The following ZNF69 variants were observed in gnomAD, a reference collection of about 807,000 sequenced individuals.
ZNF69 encodes the protein zinc finger protein 69.
In ZNF69, 47 loss-of-function variants were observed where a neutral mutation model predicts 50.9. That is an observed-to-expected ratio of 0.92 (90% CI 0.73 to 1.18). The LOEUF is 1.18. Among genes scored for constraint, ZNF69 ranks in the 50% most tolerant of loss-of-function variants. The pLI is 0.00. For synonymous variants in ZNF69, 216 were observed against 223.1 expected, an observed-to-expected ratio of 0.97 and a Z score of 0.29; for missense variants, 717 against 675.1, an observed-to-expected ratio of 1.06 and a Z score of -0.69.
chr19:11,944,086 C>G, the ZNF69 span, among the ~76,000 whole-genome samples: 2 of 152,286 alleles, frequency 1.3e-5, no homozygotes, highest in African/African-American at 2.4e-5. Flanking sequence ...TTGATCCACA[C>G]TCTATTACCT....
the ZNF69 span, among the ~76,000 whole-genome samples, chr19:11,923,925 C>T: frequency 3.3e-5 from 5 of 152,070 alleles, no homozygotes; most frequent in East Asian, 1.9e-4. Flanking sequence ...CAGCCCACCC[C>T]CTTCTACAAG....
At chr19:11,946,906 A>G in the ZNF69 span, 1 of 447,102 alleles carries the variant, frequency 2.2e-6, no homozygotes, top group Non-Finnish European at 3.5e-6. Flanking sequence ...AGGCTGAGGC[A>G]GGAGAATCGC....
chr19:11,958,365 G>T, the ZNF69 span, among the ~76,000 whole-genome samples: 3 of 152,098 alleles, frequency 2.0e-5, no homozygotes, highest in African/African-American at 7.2e-5. Context: ...GGGCTGTGTT[G>T]GGTGAGCCAG....
chr19:11,911,935 A>T (rs987060365), intron 4 of ZNF69, among the ~76,000 whole-genome samples: 8 of 151,944 alleles, frequency 5.3e-5, no homozygotes, highest in Non-Finnish European at 8.8e-5. Flanking sequence ...TACACTGGAG[A>T]GAAACCCTAT....
In ZNF69 at chr19:11,904,861, A is replaced by T. The variant is rs200143718; in HGVS notation, c.464A>T (p.Glu155Val). 1 of 1,614,072 alleles carries T rather than the reference A, an allele frequency of 6.2e-7. No homozygotes were observed. The highest frequency in any genetic ancestry group is 8.5e-7 in the Non-Finnish European group (1 of 1,180,046). The stretch of plus-strand genomic sequence containing the variant: ...GGTGACATTGGACACAAGGCCTATG[A>T]GTATCAGGAATATGGACCGAAGCCA... The part of the protein sequence containing the change: ...IRGDIGHKAY[E>V]YQEYGPKPCK... Residue 155 changes from glutamate (E) to valine (V), a missense_variant, in exon 4 of 4, where the codon GAG becomes GTG. Glu to Val is a moderately radical substitution (Grantham distance 121). Transcript: ENST00000429654.
chr19:11,934,244 T>C, the ZNF69 span, among the ~76,000 whole-genome samples: 3 of 148,188 alleles, frequency 2.0e-5, 1 homozygote, highest in African/African-American at 7.9e-5. Context: ...GTAAGGCTGC[T>C]AAAAACGTCT....
rs1174262716 is a variant in ZNF69, at chr19:11,905,846, T to G, written c.1449T>G (p.Cys483Trp). 5 of 1,613,944 alleles carry G rather than the reference T, an allele frequency of 3.1e-6. No individual in the cohort carries two copies. The African/African-American group carries it at 6.7e-5, about 22-fold the overall frequency. ...AAAGACCTTATAAATGTAAGCTATG[T>G]GGGAAAGGCTTTTATTGTCCCAAAT... ...SGERPYKCKL[C>W]GKGFYCPKSL... The change falls in exon 4 of 4, where the codon TGT (cysteine) becomes TGG (tryptophan). Residue 483 changes from cysteine (C) to tryptophan (W), a missense_variant. Physicochemically the swap from Cys to Trp is radical, Grantham distance 215. Coordinates refer to ENST00000429654, the MANE Select transcript of ZNF69 (RefSeq NM_001364730.1).
chr19:11,902,466 G>T (rs1156451911), intron 1 of ZNF69, among the ~76,000 whole-genome samples: 1 of 151,940 alleles, frequency 6.6e-6, no homozygotes, highest in African/African-American at 2.4e-5. Flanking sequence ...AGAGTTTCTT[G>T]TTTGCCCTCT....
the ZNF69 span, among the ~76,000 whole-genome samples, chr19:11,958,603 C>CA: frequency 2.0e-5 from 3 of 152,166 alleles, no homozygotes; most frequent in Non-Finnish European, 4.4e-5. Context: ...GGAGGGGCTA[C>CA]AAGGGTGTTA....
the ZNF69 span, among the ~76,000 whole-genome samples, chr19:11,942,166 T>C: frequency 4.0e-5 from 6 of 150,914 alleles, no homozygotes; most frequent in Non-Finnish European, 8.9e-5. Context: ...ACTTAGGTGT[T>C]TCCCCTCCTC....
chr19:11,915,226 T>G (rs537929816), downstream of ZNF69, among the ~76,000 whole-genome samples: 2 of 152,056 alleles, frequency 1.3e-5, no homozygotes, highest in African/African-American at 4.8e-5. Flanking sequence ...AAGAAAGAGT[T>G]GGATGCACCT....
intron 1 of ZNF69, among the ~76,000 whole-genome samples, chr19:11,902,688 C>T (rs1357321654): frequency 6.6e-6 from 1 of 150,852 alleles, no homozygotes; most frequent in African/African-American, 2.4e-5. Context: ...TTCCCAGGGG[C>T]TCCCCCTCCT....
the ZNF69 span, among the ~76,000 whole-genome samples, chr19:11,944,398 C>G: frequency 1.4e-4 from 21 of 152,126 alleles, no homozygotes; most frequent in Non-Finnish European, 2.8e-4. Flanking sequence ...TTTTGATAGT[C>G]CAATTCATCC....
At chr19:11,890,248 C>G (rs1237664269) in intron 1 of ZNF69, among the ~76,000 whole-genome samples, 1 of 152,210 alleles carries the variant, frequency 6.6e-6, no homozygotes, top group Non-Finnish European at 1.5e-5. Context: ...GGATCTCAGG[C>G]TGTCTCAGTG....
At chr19:11,964,883 T>C in the ZNF69 span, among the ~76,000 whole-genome samples, 1 of 152,244 alleles carries the variant, frequency 6.6e-6, no homozygotes, top group African/African-American at 2.4e-5. Context: ...AAGCTGTGGC[T>C]AGAATCCGTC....
Position 11,904,924 on chromosome 19 carries a change from AC to A in ZNF69, c.531del (p.Ser178ProfsTer35), listed in dbSNP as rs1339001242. 6.2e-7 allele frequency: 1 copy of A among 1,613,942 alleles called. No homozygotes were observed. Among genetic ancestry groups the A allele is most frequent in the Non-Finnish European group, 8.5e-7 (1 of 1,180,034 alleles). ...CAACCTAAAAAAGCCTTCAGATATC[AC>A]CCCTCCTTTAGAACACCACAAAGGG... ...CQQPKKAFRY[H>X]PSFRTPQRDH... On this transcript the variant is annotated frameshift_variant, in exon 4 of 4. Transcript: ENST00000429654. LOFTEE classifies it high-confidence loss of function.
At chr19:11,922,404 G>A in the ZNF69 span, among the ~76,000 whole-genome samples, 2 of 152,164 alleles carry the variant, frequency 1.3e-5, no homozygotes, top group South Asian at 2.1e-4. Flanking sequence ...TGAATCGTCT[G>A]AGCCAGTGCG....
the ZNF69 span, chr19:11,977,142 T>A: frequency 6.2e-7 from 1 of 1,614,142 alleles, no homozygotes; most frequent in Non-Finnish European, 8.5e-7. Flanking sequence ...TGCTGGAAAC[T>A]TTCAGGAACC....
the ZNF69 span, among the ~76,000 whole-genome samples, chr19:11,925,933 G>C: frequency 1.3e-4 from 20 of 152,318 alleles, no homozygotes; most frequent in African/African-American, 2.4e-4. Context: ...CAGGGAAAAT[G>C]ATGAATCAGT....
Sources: gnomAD v4.1 joint callset for allele counts (sites outside exome capture counted in the v4.1 genomes callset) on GRCh38, gnomAD v4.1.1 for gene constraint, MANE v1.5 for transcripts, NCBI Gene and HGNC (gene_info 2026-07-23, HGNC 2026-07-21) for gene names.